The following ODAD2 variants were observed in gnomAD, a reference collection of about 807,000 sequenced individuals.
ODAD2 encodes outer dynein arm docking complex subunit 2.
ODAD2 carries 89 observed loss-of-function variants against 106.8 expected under a neutral mutation model. The observed-to-expected ratio is 0.83, with a 90% confidence interval of 0.70 to 0.99. ODAD2 has a LOEUF of 0.99. ODAD2 is among the 50% of genes least tolerant of loss of function. The pLI is 0.00. For synonymous variants in ODAD2, 404 were observed against 436.2 expected (o/e 0.93, Z 0.92); for missense variants, 1,168 against 1,238.5 (o/e 0.94, Z 0.85).
At chr10:27,885,579 A>T (rs866041521) in intron 17 of ODAD2, among the ~76,000 whole-genome samples, 2 of 60,666 alleles carry the variant, frequency 3.3e-5, no homozygotes, top group African/African-American at 1.4e-4. Flanking sequence ...TATATATATA[A>T]ATATATAAAT....
chr10:27,956,326 A>T (rs1183142827), intron 10 of ODAD2, among the ~76,000 whole-genome samples: 1 of 152,104 alleles, frequency 6.6e-6, no homozygotes, highest in Non-Finnish European at 1.5e-5. Flanking sequence ...CTCTGATCAA[A>T]ATCCCAGGTA....
rs1564509310 is a variant in ODAD2 at position 27,924,011 on chromosome 10, A to AG, written c.2495+10998_2495+10999insC. 6.4e-3 allele frequency among the ~76,000 whole-genome samples: 744 copies of AG among 115,514 alleles called. 50 individuals carry two copies. Among genetic ancestry groups the AG allele is most frequent in the African/African-American group, 0.031 (714 of 23,238 alleles). The allele number at this position is 115,514 out of a possible 152,430, so 75.8% of individuals were successfully genotyped here. On this transcript the variant is annotated intron_variant, in intron 16 of 19. Coordinates refer to ENST00000305242, the MANE Select transcript of ODAD2 (RefSeq NM_018076.5). ...GAAAGAAAGAAAGAAAGAAAGAAAGAAAGAAAGAAAGAAGGAAAGAGAAAG... is the reference window on the plus strand; with the variant it reads ...GAAAGAAAGAAAGAAAGAAAGAAAGAGAAGAAAGAAAGAAGGAAAGAGAAAG...
chr10:27,869,538 T>G (rs1257381108), intron 17 of ODAD2, among the ~76,000 whole-genome samples: 5 of 102,112 alleles, frequency 4.9e-5, no homozygotes, highest in African/African-American at 1.6e-4. Flanking sequence ...TTTTTTCTTT[T>G]TCTTTTTTTT....
intron 17 of ODAD2, among the ~76,000 whole-genome samples, chr10:27,888,571 T>C (rs1039501135): frequency 4.6e-5 from 7 of 152,168 alleles, no homozygotes; most frequent in Non-Finnish European, 1.0e-4. Context: ...TAGTCCCTTG[T>C]CGGATATGTA....
intron 12 of ODAD2, among the ~76,000 whole-genome samples, chr10:27,941,420 G>C (rs2132587704): frequency 6.6e-6 from 1 of 150,524 alleles, no homozygotes; most frequent in Non-Finnish European, 1.5e-5. Flanking sequence ...AGGAGTTCAA[G>C]TCTGCAGTGA....
intron 17 of ODAD2, among the ~76,000 whole-genome samples, chr10:27,872,406 G>A (rs556241714): frequency 2.1e-4 from 32 of 150,758 alleles, no homozygotes; most frequent in African/African-American, 5.7e-4. Flanking sequence ...AATAGCAGGG[G>A]TGAGAGAGGG....
In ODAD2 at chr10:27,920,653, G is replaced by T. The variant is rs554667794; in HGVS notation, c.2496-12876C>A. On this transcript the variant is annotated intron_variant, in intron 16 of 19. Transcript: ENST00000305242. ...ACAAAAATGAAAATGTGAGAGGAAA[G>T]AAAAATGTTCTTGTTGATACAAACA... Among the ~76,000 whole-genome samples the T allele has an allele frequency of 1.4e-4, 22 of 152,194 alleles. No individual in the cohort carries two copies. The South Asian group carries it at 4.6e-3, about 32-fold the overall frequency.
intron 8 of ODAD2, among the ~76,000 whole-genome samples, chr10:27,970,873 G>T (rs925068089): frequency 6.6e-6 from 1 of 152,042 alleles, no homozygotes; most frequent in East Asian, 1.9e-4. Flanking sequence ...TCAGGAGGCT[G>T]AGGCAGGAGA....
At chr10:27,944,992 A>T (rs1292085878) in intron 10 of ODAD2, 30 bp from the exon 11 acceptor site, 1 of 1,612,292 alleles carries the variant, frequency 6.2e-7, no homozygotes, top group East Asian at 2.2e-5. Context: ...GAGAAAGGTT[A>T]AGGAACACCG....
At position 27,953,277 on chromosome 10, in the gene ODAD2, A is replaced by G. The variant is rs183677788; in HGVS notation, c.1386+8291T>C. On this transcript the variant is annotated intron_variant, in intron 10 of 19. Coordinates refer to ENST00000305242, the MANE Select transcript of ODAD2 (RefSeq NM_018076.5). ...TCTGGAACTTATTCATCTTTCATAA[A>G]TGAAATTTTATACCCATTGAACAAT... Among the ~76,000 whole-genome samples, 260 of 152,334 alleles carry G rather than the reference A, an allele frequency of 1.7e-3. 1 individual carries two copies. The highest frequency in any genetic ancestry group is 0.017 in the Admixed American group (256 of 15,298).
chr10:27,905,411 G>C (rs1303912997), intron 17 of ODAD2, among the ~76,000 whole-genome samples: 3 of 152,068 alleles, frequency 2.0e-5, no homozygotes, highest in African/African-American at 7.2e-5. Context: ...TGGATAGGAA[G>C]AAACAATATC....
chr10:27,946,304 C>T (rs12262964), intron 10 of ODAD2, among the ~76,000 whole-genome samples: 6 of 151,036 alleles, frequency 4.0e-5, no homozygotes, highest in African/African-American at 1.2e-4. Flanking sequence ...TCCATACCAG[C>T]TGCCAAACTC....
At chr10:27,867,567 G>A (rs997998343) in intron 17 of ODAD2, among the ~76,000 whole-genome samples, 2 of 152,170 alleles carry the variant, frequency 1.3e-5, no homozygotes, top group African/African-American at 4.8e-5. Flanking sequence ...CTGTGAAGAT[G>A]ACAATGGAAT....
At chr10:27,843,315 G>A (rs1165790517) in intron 19 of ODAD2, among the ~76,000 whole-genome samples, 1 of 152,190 alleles carries the variant, frequency 6.6e-6, no homozygotes, top group Non-Finnish European at 1.5e-5. Context: ...CAATAGTAAT[G>A]TACAAACCAT....
At chr10:27,912,830 T>A (rs1457021489) in intron 16 of ODAD2, among the ~76,000 whole-genome samples, 1 of 152,156 alleles carries the variant, frequency 6.6e-6, no homozygotes, top group Non-Finnish European at 1.5e-5. Context: ...CATAAATGTA[T>A]GTCAGAATTA....
At chr10:27,832,612 A>T (rs1206367499) in intron 19 of ODAD2, among the ~76,000 whole-genome samples, 1 of 152,262 alleles carries the variant, frequency 6.6e-6, no homozygotes, top group African/African-American at 2.4e-5. Flanking sequence ...AATCTACATA[A>T]TGATCTGGCG....
At chr10:27,924,017 A>AGAAAGAAAGAAG (rs1845032030) in intron 16 of ODAD2, among the ~76,000 whole-genome samples, 1 of 142,222 alleles carries the variant, frequency 7.0e-6, no homozygotes, top group South Asian at 2.2e-4. Context: ...AAAGAAAGAA[A>AGAAAGAAAGAAG]GAAAGAAGGA....
At chr10:27,878,126 T>C (rs1282862576) in intron 17 of ODAD2, among the ~76,000 whole-genome samples, 1 of 152,132 alleles carries the variant, frequency 6.6e-6, no homozygotes, top group Non-Finnish European at 1.5e-5. Flanking sequence ...GATGAAGTTA[T>C]TTTACCAAGA....
intron 2 of ODAD2, among the ~76,000 whole-genome samples, chr10:27,989,775 G>A (rs1229352546): frequency 6.6e-6 from 1 of 152,174 alleles, no homozygotes; most frequent in South Asian, 2.1e-4. Context: ...TTGAGCCCGG[G>A]AGGCGGGAGG....
Sources: gnomAD v4.1 joint callset for allele counts (sites outside exome capture counted in the v4.1 genomes callset) on GRCh38, gnomAD v4.1.1 for gene constraint, MANE v1.5 for transcripts, NCBI Gene and HGNC (gene_info 2026-07-23, HGNC 2026-07-21) for gene names.